The following PTPRM variants were observed in gnomAD, a reference collection of about 807,000 sequenced individuals.
PTPRM encodes receptor-type tyrosine-protein phosphatase mu.
PTPRM carries 47 observed loss-of-function variants against 186.7 expected under a neutral mutation model. That is an observed-to-expected ratio of 0.25 (90% CI 0.20 to 0.32). The LOEUF (loss-of-function observed/expected upper bound fraction) is 0.32. Ranked by LOEUF, PTPRM falls within the 10% of genes least tolerant of loss-of-function variation. PTPRM has a pLI of 1.00. For missense variants in PTPRM, 1,494 were observed against 1,865.0 expected (o/e 0.80, Z 3.66); for synonymous variants, 668 against 674.9 (o/e 0.99, Z 0.16).
chr18:8,291,747 A>G (rs1285805891), intron 19 of PTPRM, among the ~76,000 whole-genome samples: 1 of 152,184 alleles, frequency 6.6e-6, no homozygotes, highest in Non-Finnish European at 1.5e-5. Flanking sequence ...GGAACATAAT[A>G]GAATAATTGC....
At chr18:8,122,093 TTTTTCTTTTTTTCC>T (rs1411780063) in intron 13 of PTPRM, 2 of 152,438 alleles carry the variant, frequency 1.3e-5, no homozygotes, top group Non-Finnish European at 2.9e-5. Flanking sequence ...CTATGTTTTT[TTTTTCTTTTTTTCC>T]TTTTCTTTTT....
chr18:7,866,669 T>C (rs1567939788), intron 2 of PTPRM, among the ~76,000 whole-genome samples: 1 of 152,206 alleles, frequency 6.6e-6, no homozygotes, highest in East Asian at 1.9e-4. Context: ...TTCTGTTGAT[T>C]TGGGGTGGAG....
intron 23 of PTPRM, among the ~76,000 whole-genome samples, chr18:8,363,281 C>T (rs904613026): frequency 2.0e-5 from 3 of 152,126 alleles, no homozygotes; most frequent in African/African-American, 4.8e-5. Flanking sequence ...AATCAGATAG[C>T]GTTAGGAGTT....
At chr18:8,098,218 C>T (rs2091106443) in intron 11 of PTPRM, among the ~76,000 whole-genome samples, 1 of 152,038 alleles carries the variant, frequency 6.6e-6, no homozygotes, top group South Asian at 2.1e-4. Flanking sequence ...TGACTCATGA[C>T]CATATTTAAT....
intron 5 of PTPRM, among the ~76,000 whole-genome samples, chr18:7,942,081 G>A (rs1364487542): frequency 2.0e-5 from 3 of 151,982 alleles, no homozygotes; most frequent in African/African-American, 7.3e-5. Flanking sequence ...TCAGGATTTC[G>A]AGACCAGGCT....
intron 19 of PTPRM, among the ~76,000 whole-genome samples, chr18:8,276,699 C>A (rs1043655573): frequency 1.3e-5 from 2 of 152,166 alleles, no homozygotes; most frequent in African/African-American, 4.8e-5. Context: ...ATCTGAACCA[C>A]AGGACAGCTG....
At chr18:8,337,771 C>T (rs1036436959) in intron 22 of PTPRM, among the ~76,000 whole-genome samples, 2 of 151,986 alleles carry the variant, frequency 1.3e-5, no homozygotes, top group South Asian at 2.1e-4. Flanking sequence ...GGGGGTCTTG[C>T]GGGAGGACGC....
chr18:7,919,417 A>G (rs764489352), intron 4 of PTPRM, among the ~76,000 whole-genome samples: 2 of 152,164 alleles, frequency 1.3e-5, no homozygotes, highest in Admixed American at 6.5e-5. Context: ...GAAACAAATC[A>G]TAACAGAAAT....
chr18:7,772,412 T>TTTC lies in PTPRM; in HGVS notation c.74-1735_74-1734insCTT, dbSNP rs1275215352. Among the ~76,000 whole-genome samples, 19 of 115,618 alleles carry TTTC rather than the reference T, an allele frequency of 1.6e-4. 2 individuals carry two copies. The highest frequency in any genetic ancestry group is 5.9e-4 in the African/African-American group (16 of 27,022). 75.8% of individuals were successfully genotyped at this position (115,618 alleles called of 152,430 possible). Reference sequence around the variant, plus strand: ...CTTTCTTTCTTTCTTTCTTTCTTTCTTTTCTTTCTTTCTCCCTTCCCCTTC... The same window carrying TTTC: ...CTTTCTTTCTTTCTTTCTTTCTTTCTTTCTTTCTTTCTTTCTCCCTTCCCCTTC... On this transcript the variant is annotated intron_variant, in intron 1 of 32. Coordinates refer to ENST00000580170, the MANE Select transcript of PTPRM (RefSeq NM_001105244.2).
chr18:8,042,718 C>T (rs1351024361), intron 7 of PTPRM, among the ~76,000 whole-genome samples: 1 of 152,064 alleles, frequency 6.6e-6, no homozygotes, highest in South Asian at 2.1e-4. Flanking sequence ...TCAGCCTAGG[C>T]TCTTGTCCCA....
At chr18:8,077,482 C>T (rs1477176619) in intron 9 of PTPRM, among the ~76,000 whole-genome samples, 2 of 151,844 alleles carry the variant, frequency 1.3e-5, no homozygotes, top group African/African-American at 4.8e-5. Context: ...CAAAGCTAAG[C>T]GAAGAAAGAT....
Position 7,791,522 on chromosome 18 carries a change from C to T in PTPRM, c.196+17251C>T, listed in dbSNP as rs549069769. ...ATGTATTTTCCAAGATTCTAGATGT[C>T]AAGTGGACATCCAGATGGCACAGGA... On this transcript the variant is annotated intron_variant, in intron 2 of 32. Coordinates refer to ENST00000580170, the MANE Select transcript of PTPRM (RefSeq NM_001105244.2). Among the ~76,000 whole-genome samples, 100 of 152,250 alleles carry T rather than the reference C, an allele frequency of 6.6e-4. 1 individual carries two copies. The highest frequency in any genetic ancestry group is 2.9e-4 in the Non-Finnish European group (20 of 68,026).
At chr18:7,916,346 TA>T (rs1336685070) in intron 4 of PTPRM, among the ~76,000 whole-genome samples, 1 of 152,240 alleles carries the variant, frequency 6.6e-6, no homozygotes, top group Non-Finnish European at 1.5e-5. Context: ...ATATTCACAT[TA>T]TTTTTTTAAC....
chr18:8,320,480 G>A (rs190468864), intron 22 of PTPRM, among the ~76,000 whole-genome samples: 367 of 152,302 alleles, frequency 2.4e-3, no homozygotes, highest in Non-Finnish European at 3.2e-3. Context: ...TGCACTGTCC[G>A]ATATCATAGC....
chr18:7,862,289 G>A (rs921671874), intron 2 of PTPRM, among the ~76,000 whole-genome samples: 4 of 152,154 alleles, frequency 2.6e-5, no homozygotes, highest in Non-Finnish European at 5.9e-5. Context: ...TAATTTTAAA[G>A]TAGTGAATGT....
At chr18:8,031,795 T>C (rs1055793510) in intron 7 of PTPRM, among the ~76,000 whole-genome samples, 14 of 152,286 alleles carry the variant, frequency 9.2e-5, no homozygotes, top group African/African-American at 3.1e-4. Context: ...ATCAGCAGTC[T>C]TTTCTAGGCC....
At chr18:7,705,947 A>ATT (rs1446833450) in intron 1 of PTPRM, among the ~76,000 whole-genome samples, 7 of 147,238 alleles carry the variant, frequency 4.8e-5, no homozygotes, top group Admixed American at 2.0e-4. Flanking sequence ...CACTATAGTG[A>ATT]TTTATATATA....
At chr18:7,675,598 C>T (rs966387498) in intron 1 of PTPRM, among the ~76,000 whole-genome samples, 1 of 152,144 alleles carries the variant, frequency 6.6e-6, no homozygotes, top group African/African-American at 2.4e-5. Context: ...TCCCCAAGCC[C>T]CTTCTCACTT....
chr18:7,893,394 C>G (rs1466861546), intron 3 of PTPRM, among the ~76,000 whole-genome samples: 1 of 152,144 alleles, frequency 6.6e-6, no homozygotes, highest in African/African-American at 2.4e-5. Context: ...ATCAGTCACT[C>G]CTTTCCCATT....
Sources: gnomAD v4.1 joint callset for allele counts (sites outside exome capture counted in the v4.1 genomes callset) on GRCh38, gnomAD v4.1.1 for gene constraint, MANE v1.5 for transcripts, NCBI Gene and HGNC (gene_info 2026-07-23, HGNC 2026-07-21) for gene names.